The following SNRPD2 variants were observed in gnomAD, a reference collection of about 807,000 sequenced individuals.
SNRPD2 encodes small nuclear ribonucleoprotein D2 polypeptide.
A neutral mutation model predicts 11.5 loss-of-function variants in SNRPD2; 1 was observed. The observed-to-expected ratio is 0.09, with a 90% CI of 0.03 to 0.41. The LOEUF (loss-of-function observed/expected upper bound fraction) is 0.41. Ranked by LOEUF, SNRPD2 falls within the 10% of genes least tolerant of loss-of-function variation. The probability of loss-of-function intolerance (pLI) is 0.98; values close to 1 mark genes in which losing one functional copy is unlikely to be tolerated. For synonymous variants in SNRPD2, 63 were observed against 61.5 expected, an observed-to-expected ratio of 1.02 and a Z score of -0.12; for missense variants, 77 against 154.9, an observed-to-expected ratio of 0.50 and a Z score of 2.67.
chr19:45,692,142 A>C, upstream of SNRPD2: 12 of 811,580 alleles, frequency 1.5e-5, no homozygotes, highest in Non-Finnish European at 1.9e-5. Context: ...ATGAAGACAA[A>C]AGGAAAGGCA....
upstream of SNRPD2, chr19:45,692,063 G>T (rs533309059): frequency 6.5e-7 from 1 of 1,542,938 alleles, no homozygotes; most frequent in Non-Finnish European, 8.7e-7. Flanking sequence ...GGTGCACAAT[G>T]ATGGAATAAA....
intron 1 of SNRPD2, chr19:45,689,376 C>T (rs972772022): frequency 1.1e-5 from 5 of 470,404 alleles, no homozygotes; most frequent in Non-Finnish European, 1.7e-5. Flanking sequence ...CTCTTCAAAA[C>T]CCTCCCAGGG....
In SNRPD2 at chr19:45,690,072, C is replaced by A. The variant is rs149819149; in HGVS notation, c.3-1506G>T. On this transcript the variant is annotated intron_variant, in intron 1 of 2. Transcript: ENST00000342669. The stretch of plus-strand genomic sequence containing the variant: ...TTAGGCCGGGCGCGGTGGCTCACGC[C>A]TGTAATCCCAGCACTTTGGGAGGCC... Among the ~76,000 whole-genome samples the A allele has an allele frequency of 8.8e-3, 1,338 of 151,312 alleles. 21 individuals are homozygous for A. Among genetic ancestry groups the A allele is most frequent in the African/African-American group, 0.031 (1,269 of 41,218 alleles).
At position 45,688,737 on chromosome 19, in the gene SNRPD2, T is replaced by C. The variant is rs573948173; in HGVS notation, c.3-171A>G. 9.7e-4 allele frequency among the ~76,000 whole-genome samples: 141 copies of C among 144,802 alleles called. No homozygotes were observed. The highest frequency in any genetic ancestry group is 1.8e-3 in the Non-Finnish European group (121 of 65,422). The allele number at this position is 144,802 out of a possible 152,430, so 95.0% of individuals were successfully genotyped here. A position where few individuals can be genotyped will look rare whatever the true frequency, so the allele number is the denominator to read the frequency against. ...TCATCAGCTAGATGCCTAACAGACA[T>C]TTTTTTTTTTTTTGAGACGGAGTCT... On this transcript the variant is annotated intron_variant, in intron 1 of 2. Transcript: ENST00000342669. This position sits in a 1 kb window ranked among gnomAD's most constrained non-coding sequence, Gnocchi z 4.1.
chr19:45,692,101 C>T, upstream of SNRPD2: 1 of 1,247,244 alleles, frequency 8.0e-7, no homozygotes, highest in Non-Finnish European at 1.1e-6. Flanking sequence ...CGCGGCCAGT[C>T]AGAACCACAC....
At chr19:45,691,561 G>A (rs1967554138) in intron 1 of SNRPD2, 1 of 310,058 alleles carries the variant, frequency 3.2e-6, no homozygotes, top group Admixed American at 4.6e-5. Flanking sequence ...TGTAGAGACG[G>A]GGGTCTCGCT....
intron 1 of SNRPD2, 94 bp downstream of exon 1, chr19:45,691,793 G>GCCC: frequency 1.4e-6 from 2 of 1,423,700 alleles, no homozygotes; most frequent in Non-Finnish European, 2.0e-6. Context: ...ATCTGCCCCT[G>GCCC]CCCCCCCCGC....
chr19:45,691,625 C>A lies in SNRPD2; in HGVS notation c.2+262G>T, dbSNP rs112293585. The A allele has an allele frequency of 5.9e-6, 3 of 512,172 alleles. No homozygotes were observed. The East Asian group carries it at 9.6e-5, about 16-fold the overall frequency. 31.7% of individuals were successfully genotyped at this position (512,172 alleles called of 1,614,324 possible). On this transcript the variant is annotated intron_variant, in intron 1 of 2. Transcript: ENST00000342669. ...GTGTTCCAGCGATGCTCCGCCTTGG[C>A]CTACTAAAGTGCTGGGATCACAGGA... is the stretch of plus-strand genomic sequence containing the variant.
At chr19:45,689,771 C>T (rs979975133) in intron 1 of SNRPD2, among the ~76,000 whole-genome samples, 3 of 152,074 alleles carry the variant, frequency 2.0e-5, no homozygotes, top group Admixed American at 6.6e-5. Flanking sequence ...CGATGGCTCA[C>T]GCCTGTAATC....
chr19:45,687,476 G>C lies in SNRPD2; in HGVS notation c.*77C>G. On this transcript the variant is annotated 3_prime_UTR_variant, in exon 3 of 3. Coordinates refer to ENST00000342669, the MANE Select transcript of SNRPD2 (RefSeq NM_001384647.1). The surrounding 1 kb of genome is among the most constrained non-coding windows in gnomAD (Gnocchi z 4.1). Reference sequence around the variant, plus strand: ...AGATACCACTAGAAAAAAACACAGAGCTTTATTATTCTCAACACCAATGGC... The same window carrying C: ...AGATACCACTAGAAAAAAACACAGACCTTTATTATTCTCAACACCAATGGC... 7.3e-7 allele frequency: 1 copy of C among 1,375,020 alleles called. No homozygotes were observed. Among genetic ancestry groups the C allele is most frequent in the Non-Finnish European group, 1.0e-6 (1 of 979,158 alleles). 85.2% of individuals were successfully genotyped at this position (1,375,020 alleles called of 1,614,324 possible).
Position 45,688,197 on chromosome 19 carries a change from G to C in SNRPD2, c.182+190C>G, listed in dbSNP as rs775376807. Among the ~76,000 whole-genome samples, 5 of 152,006 alleles carry C rather than the reference G, an allele frequency of 3.3e-5. No individual in the cohort carries two copies. Among genetic ancestry groups the C allele is most frequent in the Admixed American group, 2.0e-4 (3 of 15,252 alleles). ...GGGGTTTCGCCATTTTAGCTAAGCT[G>C]GTCTTGAACTCCTGACCTCAGGTGA... On this transcript the variant is annotated intron_variant, in intron 2 of 2. Coordinates refer to ENST00000342669, the MANE Select transcript of SNRPD2 (RefSeq NM_001384647.1). This position sits in a 1 kb window ranked among gnomAD's most constrained non-coding sequence, Gnocchi z 4.1.
Position 45,691,941 on chromosome 19 carries a change from T to A in SNRPD2, c.-53A>T, listed in dbSNP as rs1204965791. On this transcript the variant is annotated 5_prime_UTR_variant, in exon 1 of 3. Coordinates refer to ENST00000342669, the MANE Select transcript of SNRPD2 (RefSeq NM_001384647.1). ...CCGTTTCCTCCGCGTTGCTGCTGCC[T>A]GAGGAGAGAGAGGCGGGACTTCCTC... 2 of 1,613,878 alleles carry A rather than the reference T, an allele frequency of 1.2e-6. No individual in the cohort carries two copies. Among genetic ancestry groups the A allele is most frequent in the African/African-American group, 1.3e-5 (1 of 74,936 alleles).
chr19:45,691,892 G>C lies in SNRPD2; in HGVS notation c.-4C>G. 1 of 1,614,080 alleles carries C rather than the reference G, an allele frequency of 6.2e-7. No individual in the cohort carries two copies. The highest frequency in any genetic ancestry group is 8.5e-7 in the Non-Finnish European group (1 of 1,180,006). On this transcript the variant is annotated 5_prime_UTR_variant, in exon 1 of 3. Coordinates refer to ENST00000342669, the MANE Select transcript of SNRPD2 (RefSeq NM_001384647.1). ...TAAGCCTAGCCCGGCCTCACATGAT[G>C]GTCACTACGCTCTCCGTTCACTCCC...
chr19:45,689,525 AAAC>A (rs1568534258), intron 1 of SNRPD2, among the ~76,000 whole-genome samples: 1 of 151,838 alleles, frequency 6.6e-6, no homozygotes, highest in East Asian at 1.9e-4. Context: ...AAACAAAACA[AAAC>A]AAAACAACAA....
intron 1 of SNRPD2, among the ~76,000 whole-genome samples, chr19:45,690,883 G>A (rs191356193): frequency 8.4e-4 from 128 of 151,932 alleles, no homozygotes; most frequent in African/African-American, 2.9e-3. Context: ...TTCCCTTGGG[G>A]ACTAGAGGTT....
In SNRPD2 at chr19:45,687,944, G is replaced by A. The variant is rs1449311632; in HGVS notation, c.183-217C>T. On this transcript the variant is annotated intron_variant, in intron 2 of 2. Transcript: ENST00000342669. The surrounding 1 kb of genome is among the most constrained non-coding windows in gnomAD (Gnocchi z 4.1). ...TCTGTGCCAGTTTGCTCCTTTTTAA[G>A]AGGGAAGATAATCACGTTACCTTCC... Among the ~76,000 whole-genome samples the A allele has an allele frequency of 1.3e-5, 2 of 152,196 alleles. No individual in the cohort carries two copies. Among genetic ancestry groups the A allele is most frequent in the Non-Finnish European group, 2.9e-5 (2 of 68,024 alleles).
At position 45,688,596 on chromosome 19, in the gene SNRPD2, G is replaced by C; in HGVS notation, c.3-30C>G. The C allele has an allele frequency of 6.3e-7, 1 of 1,587,906 alleles. No homozygotes were observed. The highest frequency in any genetic ancestry group is 8.6e-7 in the Non-Finnish European group (1 of 1,156,360). On this transcript the variant is annotated intron_variant, in intron 1 of 2. Coordinates refer to ENST00000342669, the MANE Select transcript of SNRPD2 (RefSeq NM_001384647.1). This position sits in a 1 kb window ranked among gnomAD's most constrained non-coding sequence, Gnocchi z 4.1. ...ATGGACAAACATGGAACCAATAAGT[G>C]AGAGAGGCTGGAGTTGAGAGGCTGG...
intron 1 of SNRPD2, 169 bp downstream of exon 1, chr19:45,691,718 G>A: frequency 1.2e-6 from 1 of 840,778 alleles, no homozygotes. Context: ...GTCACGATGC[G>A]TCAAAGGCCC....
intron 1 of SNRPD2, chr19:45,689,278 T>C (rs1231823596): frequency 1.9e-6 from 1 of 520,048 alleles, no homozygotes; most frequent in African/African-American, 1.9e-5. Flanking sequence ...CTTTCTGGTC[T>C]CTCTGCCTCC....
Sources: gnomAD v4.1 joint callset for allele counts (sites outside exome capture counted in the v4.1 genomes callset) on GRCh38, gnomAD v4.1.1 for gene constraint, Gnocchi (gnomAD v3.1) non-coding constraint, MANE v1.5 for transcripts, NCBI Gene and HGNC (gene_info 2026-07-23, HGNC 2026-07-21) for gene names.